Variants in SIPA1L3 observed in about 807,000 individuals in gnomAD.
SIPA1L3 encodes signal induced proliferation associated 1 like 3.
A neutral mutation model predicts 150.1 loss-of-function variants in SIPA1L3; 59 were observed. That is an observed-to-expected ratio of 0.39 (90% confidence interval 0.32 to 0.49). SIPA1L3 has a LOEUF of 0.49. Among genes scored for constraint, SIPA1L3 ranks in the 20% least tolerant of loss-of-function variants. The probability of loss-of-function intolerance (pLI) is 0.86; values close to 1 mark genes in which losing one functional copy is unlikely to be tolerated. For missense variants in SIPA1L3, 2,211 were observed against 2,489.5 expected (o/e 0.89, Z 2.38); for synonymous variants, 1,070 against 1,077.6 (o/e 0.99, Z 0.14).
At position 38,207,191 on chromosome 19, in the gene SIPA1L3, C is replaced by T. The variant is rs569200321; in HGVS notation, c.*951C>T. 28 of 152,030 alleles carry T rather than the reference C, an allele frequency of 1.8e-4. No homozygotes were observed. The highest frequency in any genetic ancestry group is 6.5e-4 in the African/African-American group (27 of 41,498). The allele number at this position is 152,030 out of a possible 1,614,324, so 9.4% of individuals were successfully genotyped here. ...CCCTCAGGACAGGGCTGGAGGAGAA[C>T]AGCCTTCATCTCCTCCTCTGGTTTT... On this transcript the variant is annotated 3_prime_UTR_variant, in exon 22 of 22. Coordinates refer to ENST00000222345, the MANE Select transcript of SIPA1L3 (RefSeq NM_015073.3).
chr19:38,071,300 A>G (rs934201634), intron 2 of SIPA1L3, among the ~76,000 whole-genome samples: 1 of 151,860 alleles, frequency 6.6e-6, no homozygotes, highest in African/African-American at 2.4e-5. Flanking sequence ...CTACCTATCT[A>G]TGTAGTGACA....
intron 4 of SIPA1L3, among the ~76,000 whole-genome samples, chr19:38,091,066 G>A (rs1970247249): frequency 6.6e-6 from 1 of 152,196 alleles, no homozygotes; most frequent in Non-Finnish European, 1.5e-5. Context: ...CAACTGCTGG[G>A]TGGTGAAATG....
In SIPA1L3 at chr19:38,101,237, G is replaced by A; in HGVS notation, c.2029+11G>A. 1 of 1,519,680 alleles carries A rather than the reference G, an allele frequency of 6.6e-7. No homozygotes were observed. Among genetic ancestry groups the A allele is most frequent in the Non-Finnish European group, 8.9e-7 (1 of 1,127,596 alleles). 94.1% of individuals were successfully genotyped at this position (1,519,680 alleles called of 1,614,324 possible). A position where few individuals can be genotyped will look rare whatever the true frequency, so the allele number is the denominator to read the frequency against. ...AGCTGGACGTCAAGAGTAAGTAGGG[G>A]GCCGGTTAGATCACAGTGAGCCACC... On this transcript the variant is annotated intron_variant, in intron 6 of 21. Coordinates refer to ENST00000222345, the MANE Select transcript of SIPA1L3 (RefSeq NM_015073.3).
chr19:38,073,625 C>A (rs1257977740), intron 2 of SIPA1L3, among the ~76,000 whole-genome samples: 3 of 152,182 alleles, frequency 2.0e-5, no homozygotes, highest in Non-Finnish European at 4.4e-5. Flanking sequence ...GTGGCCGAAT[C>A]ACAATTCACT....
intron 2 of SIPA1L3, among the ~76,000 whole-genome samples, chr19:38,078,959 C>T (rs1027863625): frequency 1.8e-4 from 28 of 152,172 alleles, no homozygotes; most frequent in Admixed American, 3.3e-4. Context: ...AGACTCCCTT[C>T]CCCAGGGGCC....
intron 1 of SIPA1L3, among the ~76,000 whole-genome samples, chr19:38,028,312 C>T (rs1254776461): frequency 6.6e-6 from 1 of 152,176 alleles, no homozygotes; most frequent in Non-Finnish European, 1.5e-5. Flanking sequence ...CATCTGTCCC[C>T]CCTGCCACCG....
chr19:38,041,361 C>G lies in SIPA1L3; in HGVS notation c.-311+12205C>G, dbSNP rs184012997. Reference sequence around the variant, plus strand: ...TGTCATGATCTGAGCTCACTGCAACCTCCGCCTCCCGGGTTCAAGCGATTC... The same window carrying G: ...TGTCATGATCTGAGCTCACTGCAACGTCCGCCTCCCGGGTTCAAGCGATTC... On this transcript the variant is annotated intron_variant, in intron 2 of 21. Coordinates refer to ENST00000222345, the MANE Select transcript of SIPA1L3 (RefSeq NM_015073.3). Among the ~76,000 whole-genome samples the G allele has an allele frequency of 6.4e-3, 954 of 148,268 alleles. 10 individuals are homozygous for G. Among genetic ancestry groups the G allele is most frequent in the African/African-American group, 0.023 (913 of 39,842 alleles).
chr19:37,997,706 A>C (rs886844854), intron 1 of SIPA1L3, among the ~76,000 whole-genome samples: 1 of 151,936 alleles, frequency 6.6e-6, no homozygotes, highest in African/African-American at 2.4e-5. Flanking sequence ...GTCTCTACTA[A>C]AAATACAAAA....
intron 13 of SIPA1L3, 53 bp from the exon 14 acceptor site, chr19:38,162,200 G>A: frequency 2.8e-6 from 4 of 1,441,212 alleles, no homozygotes; most frequent in Non-Finnish European, 3.9e-6. Flanking sequence ...AGATTCTTCA[G>A]GCCCTGGCCT....
intron 1 of SIPA1L3, among the ~76,000 whole-genome samples, chr19:38,000,734 G>A (rs1444964987): frequency 2.8e-5 from 4 of 140,792 alleles, no homozygotes; most frequent in African/African-American, 7.9e-5. Flanking sequence ...GAGAGAAAAT[G>A]TCTCTTCCCC....
At chr19:38,155,162 C>T (rs1306392907) in intron 13 of SIPA1L3, among the ~76,000 whole-genome samples, 1 of 152,190 alleles carries the variant, frequency 6.6e-6, no homozygotes, top group Non-Finnish European at 1.5e-5. Context: ...TGCTGCATGC[C>T]CTCACCAGCC....
chr19:38,019,322 A>G (rs1968313812), intron 1 of SIPA1L3, among the ~76,000 whole-genome samples: 1 of 152,198 alleles, frequency 6.6e-6, no homozygotes, highest in African/African-American at 2.4e-5. Flanking sequence ...TCCCTAGCAC[A>G]GGGCCTTTGT....
intron 1 of SIPA1L3, among the ~76,000 whole-genome samples, chr19:37,919,595 C>A (rs2046440688): frequency 6.6e-6 from 1 of 151,898 alleles, no homozygotes; most frequent in Non-Finnish European, 1.5e-5. Flanking sequence ...ACAGATGGGG[C>A]AGACAAGCAG....
intron 1 of SIPA1L3, among the ~76,000 whole-genome samples, chr19:37,916,829 A>G (rs2046418604): frequency 6.6e-6 from 1 of 152,022 alleles, no homozygotes. Flanking sequence ...GTCTGGTGGC[A>G]TGTGCCTGTA....
At chr19:38,158,813 G>C (rs1972008978) in intron 13 of SIPA1L3, among the ~76,000 whole-genome samples, 1 of 152,238 alleles carries the variant, frequency 6.6e-6, no homozygotes, top group Non-Finnish European at 1.5e-5. Context: ...CAGGTTTGGG[G>C]GAAGGTACAG....
At chr19:37,959,033 T>C (rs2046834734) in intron 1 of SIPA1L3, among the ~76,000 whole-genome samples, 1 of 152,226 alleles carries the variant, frequency 6.6e-6, no homozygotes, top group African/African-American at 2.4e-5. Flanking sequence ...ATAACAAGTG[T>C]TGGCCAGGAT....
At chr19:37,928,282 C>G (rs145794674) in intron 1 of SIPA1L3, among the ~76,000 whole-genome samples, 7 of 152,142 alleles carry the variant, frequency 4.6e-5, no homozygotes, top group South Asian at 2.1e-4. Flanking sequence ...TTTTCAAACC[C>G]GAGCAAGACC....
chr19:37,981,680 C>T (rs922287741), intron 1 of SIPA1L3, among the ~76,000 whole-genome samples: 4 of 152,274 alleles, frequency 2.6e-5, no homozygotes, highest in African/African-American at 9.6e-5. Context: ...ATCATTTCAG[C>T]AGCAGTGCCC....
intron 12 of SIPA1L3, among the ~76,000 whole-genome samples, chr19:38,149,752 A>G (rs1229455647): frequency 3.9e-5 from 6 of 152,160 alleles, no homozygotes; most frequent in Non-Finnish European, 8.8e-5. Flanking sequence ...TGGCACCTCC[A>G]CTTTTATCTC....
Sources: gnomAD v4.1 joint callset for allele counts (sites outside exome capture counted in the v4.1 genomes callset) on GRCh38, gnomAD v4.1.1 for gene constraint, MANE v1.5 for transcripts, NCBI Gene and HGNC (gene_info 2026-07-23, HGNC 2026-07-21) for gene names.